The following NDUFA13 variants were observed in gnomAD, a reference collection of about 807,000 sequenced individuals.
NDUFA13 encodes the protein NADH dehydrogenase [ubiquinone] 1 alpha subcomplex subunit 13.
NDUFA13 carries 16 observed loss-of-function variants against 17.0 expected under a neutral mutation model. The observed-to-expected ratio is 0.94, with a 90% CI of 0.64 to 1.43. NDUFA13 has a LOEUF of 1.43. NDUFA13 is among the 40% of genes most tolerant of loss of function. NDUFA13 has a pLI of 0.00. For missense variants in NDUFA13, 228 were observed against 206.7 expected (o/e 1.10, Z -0.63); for synonymous variants, 87 against 78.4 (o/e 1.11, Z -0.58).
In NDUFA13 at chr19:19,518,729, ATTTTTTTTTTTTTT is replaced by A. The variant is rs566386690; in HGVS notation, c.94+2413_94+2426del. 6.8e-3 allele frequency among the ~76,000 whole-genome samples: 232 copies of A among 34,146 alleles called. 3 individuals carry two copies. The highest frequency in any genetic ancestry group is 0.011 in the Non-Finnish European group (179 of 16,756). 22.4% of individuals were successfully genotyped at this position (34,146 alleles called of 152,430 possible). On this transcript the variant is annotated intron_variant, in intron 1 of 4. Transcript: ENST00000507754. ...CAGGTGGGCGCCACCATGCCCTGCGATTTTTTTTTTTTTTTTTTTTTTTTTTTTTGAGATGGAGT... is the reference window on the plus strand; with the variant it reads ...CAGGTGGGCGCCACCATGCCCTGCGATTTTTTTTTTTTTTTGAGATGGAGT...
chr19:19,517,087 T>A (rs1738338307), intron 1 of NDUFA13, among the ~76,000 whole-genome samples: 1 of 151,628 alleles, frequency 6.6e-6, no homozygotes. Context: ...ATGCCCGGCG[T>A]AAAGTTTTCA....
rs372070988 is a variant in NDUFA13 at position 19,516,361 on chromosome 19, G to A, written c.94+29G>A. On this transcript the variant is annotated intron_variant, in intron 1 of 4. Transcript: ENST00000507754. ...AGTATCACTCTGCGCCGGGGTCTCAGAGTCTGGGCACTCGGGGCTCGGGGG... is the reference window on the plus strand; with the variant it reads ...AGTATCACTCTGCGCCGGGGTCTCAAAGTCTGGGCACTCGGGGCTCGGGGG... 4,865 of 1,611,836 alleles carry A rather than the reference G, an allele frequency of 3.0e-3. 7 individuals are homozygous for A. Among genetic ancestry groups the A allele is most frequent in the Non-Finnish European group, 3.7e-3 (4,408 of 1,179,130 alleles).
In NDUFA13 at chr19:19,522,477, C is replaced by CTTTTTTT. The variant is rs3067694; in HGVS notation, c.95-3692_95-3686dup. ...AGCTCTTACGCTTAGGTCTTTGATC[C>CTTTTTTT]TTTTTTTTTTTTTTTTTTTGAGATG... On this transcript the variant is annotated intron_variant, in intron 1 of 4. Transcript: ENST00000507754. 4.0e-4 allele frequency among the ~76,000 whole-genome samples: 38 copies of CTTTTTTT among 95,016 alleles called. 3 individuals are homozygous for CTTTTTTT. Among genetic ancestry groups the CTTTTTTT allele is most frequent in the South Asian group, 1.7e-3 (4 of 2,406 alleles). The allele number at this position is 95,016 out of a possible 152,430, so 62.3% of individuals were successfully genotyped here. A position where few individuals can be genotyped will look rare whatever the true frequency, so the allele number is the denominator to read the frequency against.
At chr19:19,527,480 C>T (rs1348535688) in intron 3 of NDUFA13, 128 bp downstream of exon 3, 14 of 1,226,072 alleles carry the variant, frequency 1.1e-5, no homozygotes, top group Non-Finnish European at 1.7e-5. Flanking sequence ...TCAGCTGCAT[C>T]CTCAGGCGTG....
intron 1 of NDUFA13, among the ~76,000 whole-genome samples, chr19:19,521,793 G>A (rs749323221): frequency 1.3e-5 from 2 of 150,382 alleles, no homozygotes; most frequent in East Asian, 2.0e-4. Context: ...TAGTAGAGAC[G>A]GGGTTTCACT....
intron 1 of NDUFA13, among the ~76,000 whole-genome samples, chr19:19,519,928 C>T (rs1036939122): frequency 2.0e-5 from 3 of 151,822 alleles, no homozygotes; most frequent in South Asian, 2.1e-4. Flanking sequence ...TCACTGCCAG[C>T]GTCCCAGGAC....
intron 1 of NDUFA13, among the ~76,000 whole-genome samples, chr19:19,524,748 G>A (rs1407916052): frequency 1.3e-5 from 2 of 152,062 alleles, no homozygotes; most frequent in Non-Finnish European, 2.9e-5. Flanking sequence ...AGAGGTTGCA[G>A]TGAGCCAAGA....
chr19:19,519,457 A>G (rs1028347217), intron 1 of NDUFA13, among the ~76,000 whole-genome samples: 1 of 151,900 alleles, frequency 6.6e-6, no homozygotes, highest in African/African-American at 2.4e-5. Flanking sequence ...GTGTCTCCTA[A>G]TGGTGTGGAC....
intron 2 of NDUFA13, 141 bp downstream of exon 2, chr19:19,526,401 G>T: frequency 2.3e-6 from 2 of 868,736 alleles, no homozygotes; most frequent in Non-Finnish European, 3.7e-6. Context: ...CCCAGAAAGT[G>T]CAGATCCAGA....
chr19:19,525,929 C>A, intron 1 of NDUFA13: 2 of 1,083,636 alleles, frequency 1.8e-6, no homozygotes, highest in Non-Finnish European at 2.5e-6. Flanking sequence ...AGGGTCCAAA[C>A]AGCCTTCTAG....
chr19:19,522,033 G>A (rs540934079), intron 1 of NDUFA13, among the ~76,000 whole-genome samples: 66 of 152,254 alleles, frequency 4.3e-4, no homozygotes, highest in Non-Finnish European at 8.7e-4. Flanking sequence ...GGCTGGGCAC[G>A]GTGGCTCATG....
At chr19:19,526,059 C>T (rs1451030270) in intron 1 of NDUFA13, 123 bp from the exon 2 acceptor site, 3 of 1,534,552 alleles carry the variant, frequency 2.0e-6, no homozygotes, top group East Asian at 2.5e-5. Flanking sequence ...GTGTCACAGT[C>T]CAAGCAGCCT....
At chr19:19,526,607 A>G in intron 2 of NDUFA13, 1 of 378,122 alleles carries the variant, frequency 2.6e-6, no homozygotes, top group Non-Finnish European at 5.1e-6. Context: ...GATCCAGATT[A>G]GGACAGGATA....
intron 1 of NDUFA13, 116 bp downstream of exon 1, chr19:19,516,448 C>CG (rs1017513839): frequency 3.6e-6 from 4 of 1,105,948 alleles, no homozygotes; most frequent in Admixed American, 2.0e-5. Flanking sequence ...AGGCGGAGCC[C>CG]GGGGATCCAT....
At chr19:19,526,054 A>G (rs1199407959) in intron 1 of NDUFA13, 128 bp from the exon 2 acceptor site, 2 of 1,530,922 alleles carry the variant, frequency 1.3e-6, no homozygotes, top group Non-Finnish European at 1.8e-6. Flanking sequence ...CAGAGGTGTC[A>G]CAGTCCAAGC....
At chr19:19,523,116 T>A (rs1242913815) in intron 1 of NDUFA13, among the ~76,000 whole-genome samples, 1 of 152,238 alleles carries the variant, frequency 6.6e-6, no homozygotes, top group Non-Finnish European at 1.5e-5. Flanking sequence ...TCCCTTGCAT[T>A]TCCATATGAA....
chr19:19,524,329 A>C (rs1346075501), intron 1 of NDUFA13, among the ~76,000 whole-genome samples: 1 of 152,236 alleles, frequency 6.6e-6, no homozygotes, highest in Non-Finnish European at 1.5e-5. Context: ...GTTCTATGCC[A>C]GTGCCACGCT....
chr19:19,527,282 C>T lies in NDUFA13; in HGVS notation c.175C>T (p.Arg59Cys), dbSNP rs1006809860. Residue 59 changes from arginine to cysteine, a missense_variant and splice_region_variant, in exon 3 of 5, where the codon CGC becomes TGC. Arg to Cys is a radical substitution (Grantham distance 180). Coordinates refer to ENST00000507754, the MANE Select transcript of NDUFA13 (RefSeq NM_015965.7). The stretch of plus-strand genomic sequence containing the variant: ...AGTGTGGGTTTCGGGCTTTCACAGG[C>T]GCCTACAAATCGAGGACTTCGAGGC... Reference protein sequence around the residue: ...SIMKWNRERRRLQIEDFEARI... With the variant: ...SIMKWNRERRCLQIEDFEARI... 20 of 1,613,826 alleles carry T rather than the reference C, an allele frequency of 1.2e-5. No homozygotes were observed. The highest frequency in any genetic ancestry group is 2.7e-5 in the African/African-American group (2 of 74,930).
Position 19,526,168 on chromosome 19 carries a change from G to A in NDUFA13, c.95-14G>A, listed in dbSNP as rs777386107. On this transcript the variant is annotated splice_polypyrimidine_tract_variant and intron_variant, in intron 1 of 4. Transcript: ENST00000507754. ...GGGGCGGGCTGGCCCGCTGAGCAGC[G>A]CCTCTCTTCACAGGCTACAGCATGC... The A allele has an allele frequency of 8.1e-6, 13 of 1,613,292 alleles. No homozygotes were observed. Among genetic ancestry groups the A allele is most frequent in the Admixed American group, 3.3e-5 (2 of 59,982 alleles).
Sources: allele counts gnomAD v4.1 joint callset (sites outside exome capture counted in the v4.1 genomes callset), GRCh38; gene constraint gnomAD v4.1.1; transcripts MANE v1.5; gene names NCBI Gene and HGNC (gene_info 2026-07-23, HGNC 2026-07-21).